The following AKAP10 variants were observed in gnomAD, a reference collection of about 807,000 sequenced individuals.
The protein encoded by AKAP10 is A-kinase anchoring protein 10.
Under a neutral mutation model 80.8 loss-of-function variants are expected in AKAP10, and 24 were observed. The ratio of observed to expected loss-of-function variants is 0.30; its 90% CI spans 0.22 to 0.42. The LOEUF is 0.42. Ranked by LOEUF, AKAP10 falls within the 10% of genes least tolerant of loss-of-function variation. The probability of loss-of-function intolerance (pLI) is 1.00; values close to 1 mark genes in which losing one functional copy is unlikely to be tolerated. For missense variants in AKAP10, 661 were observed against 794.9 expected, an observed-to-expected ratio of 0.83 and a Z score of 2.03; for synonymous variants, 291 against 277.7, an observed-to-expected ratio of 1.05 and a Z score of -0.48.
At chr17:19,964,796 G>C (rs993027482) in intron 2 of AKAP10, among the ~76,000 whole-genome samples, 3 of 152,222 alleles carry the variant, frequency 2.0e-5, no homozygotes, top group African/African-American at 7.2e-5. Context: ...GGGAGGCTGA[G>C]GCAGGAGAAT....
intron 12 of AKAP10, among the ~76,000 whole-genome samples, chr17:19,918,224 C>G (rs916769012): frequency 1.2e-5 from 1 of 86,052 alleles, no homozygotes; most frequent in African/African-American, 4.0e-5. Flanking sequence ...CCGTCTCAAA[C>G]AAAAAAAAAA....
At chr17:19,925,250 G>A (rs1479360705) in intron 10 of AKAP10, among the ~76,000 whole-genome samples, 1 of 152,120 alleles carries the variant, frequency 6.6e-6, no homozygotes, top group East Asian at 1.9e-4. Flanking sequence ...CAAATGTGCT[G>A]TACTCACAGC....
intron 12 of AKAP10, among the ~76,000 whole-genome samples, chr17:19,919,202 T>G (rs2042783923): frequency 6.6e-6 from 1 of 151,992 alleles, no homozygotes; most frequent in South Asian, 2.1e-4. Flanking sequence ...TTGAGACAGT[T>G]TGCTCAGAAT....
chr17:19,927,124 G>A lies in AKAP10; in HGVS notation c.1642-2607C>T, dbSNP rs369362605. ...GGCAGAGGTGGGAGAATCACTTTGAGCCTAGAGTTTGAGACCAACTTGGGC... is the reference window on the plus strand; with the variant it reads ...GGCAGAGGTGGGAGAATCACTTTGAACCTAGAGTTTGAGACCAACTTGGGC... On this transcript the variant is annotated intron_variant, in intron 10 of 14. Transcript: ENST00000225737. Among the ~76,000 whole-genome samples the A allele has an allele frequency of 1.9e-4, 29 of 152,286 alleles. 1 individual carries two copies. Among genetic ancestry groups the A allele is most frequent in the African/African-American group, 6.5e-4 (27 of 41,556 alleles).
intron 5 of AKAP10, among the ~76,000 whole-genome samples, chr17:19,946,788 T>C (rs890379081): frequency 6.6e-6 from 1 of 150,414 alleles, no homozygotes; most frequent in African/African-American, 2.5e-5. Context: ...GACACAGAAA[T>C]GACACTGTGT....
intron 9 of AKAP10, among the ~76,000 whole-genome samples, chr17:19,935,726 T>C (rs1403994419): frequency 6.6e-6 from 1 of 152,118 alleles, no homozygotes; most frequent in Non-Finnish European, 1.5e-5. Context: ...CCTCCACATC[T>C]TGTCCCACTG....
chr17:19,907,723 T>C (rs1418751136), intron 14 of AKAP10, among the ~76,000 whole-genome samples: 1 of 150,854 alleles, frequency 6.6e-6, no homozygotes, highest in Admixed American at 6.6e-5. Context: ...ATATTTTTAA[T>C]ATTTAAAATA....
chr17:19,950,294 AG>A (rs1267259802), intron 4 of AKAP10, among the ~76,000 whole-genome samples: 2 of 152,212 alleles, frequency 1.3e-5, no homozygotes, highest in African/African-American at 4.8e-5. Context: ...AAAGCAAAAA[AG>A]GGGCTCTCCC....
chr17:19,927,366 A>AC (rs960661454), intron 10 of AKAP10, among the ~76,000 whole-genome samples: 1 of 151,854 alleles, frequency 6.6e-6, no homozygotes, highest in African/African-American at 2.4e-5. Context: ...ACAAAAACCC[A>AC]CCTTTTTTAA....
chr17:19,919,167 G>A (rs203452), intron 12 of AKAP10, among the ~76,000 whole-genome samples: 64,182 of 150,050 alleles, frequency 0.43, 14,533 homozygotes, highest in African/African-American at 0.58. Context: ...ATGAGTGAGA[G>A]CATGCGGTGT....
intron 4 of AKAP10, among the ~76,000 whole-genome samples, chr17:19,951,925 A>G (rs912781825): frequency 6.6e-6 from 1 of 151,016 alleles, no homozygotes; most frequent in African/African-American, 2.4e-5. Context: ...AAAAAAAAAA[A>G]AAAAGCAAAA....
intron 5 of AKAP10, among the ~76,000 whole-genome samples, chr17:19,943,531 G>T (rs1346012898): frequency 6.6e-6 from 1 of 152,202 alleles, no homozygotes; most frequent in African/African-American, 2.4e-5. Context: ...CCTGGAGAGT[G>T]CATGGAAGCT....
chr17:19,957,556 C>T (rs1035370405), intron 4 of AKAP10, among the ~76,000 whole-genome samples: 2 of 151,974 alleles, frequency 1.3e-5, no homozygotes, highest in African/African-American at 4.8e-5. Flanking sequence ...GATAATCATG[C>T]CTACTACCTG....
rs149676083 is a variant in AKAP10, at chr17:19,941,740, CTTTGT to C, written c.1061+81_1061+85del. The C allele has an allele frequency of 4.9e-3, 4,575 of 926,654 alleles. 117 individuals carry two copies. The African/African-American group carries it at 0.067, about 13-fold the overall frequency. The allele number at this position is 926,654 out of a possible 1,614,324, so 57.4% of individuals were successfully genotyped here. On this transcript the variant is annotated intron_variant, in intron 6 of 14. Coordinates refer to ENST00000225737, the MANE Select transcript of AKAP10 (RefSeq NM_007202.4). ...CAAAATATTTAAATTCTCAAAAATACTTTGTTTTTAGCTGAGTGAAGCCCATTCCT... is the reference window on the plus strand; with the variant it reads ...CAAAATATTTAAATTCTCAAAAATACTTTTAGCTGAGTGAAGCCCATTCCT...
rs544479665 is a variant in AKAP10, at chr17:19,947,494, C to T, written c.889G>A (p.Asp297Asn). Reference protein sequence around the residue: ...SGKLMKSIEQDAVNTFTKYIS... With the variant: ...SGKLMKSIEQNAVNTFTKYIS... ...TATTTGGTAAAAGTATTCACTGCAT[C>T]TTGTTCTATACCTGCAAGGGAAGAA... The change falls in exon 5 of 15, where the codon GAT becomes AAT. Residue 297 changes from aspartate (D) to asparagine (N), a missense_variant. Coordinates refer to ENST00000225737, the MANE Select transcript of AKAP10 (RefSeq NM_007202.4). 8 of 1,610,666 alleles carry T rather than the reference C, an allele frequency of 5.0e-6. No individual in the cohort carries two copies. The East Asian group carries it at 6.7e-5, about 13-fold the overall frequency.
intron 2 of AKAP10, 79 bp from the exon 3 acceptor site, chr17:19,963,101 CT>C (rs1309654816): frequency 4.0e-6 from 5 of 1,243,276 alleles, no homozygotes; most frequent in Non-Finnish European, 5.4e-6. Context: ...TTTCAGAGAA[CT>C]TTAAAAATTA....
At chr17:19,908,179 T>C (rs1375313705) in intron 14 of AKAP10, among the ~76,000 whole-genome samples, 1 of 152,222 alleles carries the variant, frequency 6.6e-6, no homozygotes, top group Non-Finnish European at 1.5e-5. Context: ...CGTCAGACAT[T>C]CTAACTTTAC....
intron 1 of AKAP10, among the ~76,000 whole-genome samples, chr17:19,976,271 G>C (rs1205403497): frequency 2.6e-5 from 4 of 152,046 alleles, no homozygotes; most frequent in Non-Finnish European, 4.4e-5. Flanking sequence ...AGGCCCACTT[G>C]AGGTCAGGGG....
chr17:19,913,278 C>T (rs2042710874), intron 12 of AKAP10, among the ~76,000 whole-genome samples: 1 of 151,856 alleles, frequency 6.6e-6, no homozygotes, highest in African/African-American at 2.4e-5. Context: ...CTCAGCCTCC[C>T]GATAGCTGGG....
Sources: gnomAD v4.1 joint callset for allele counts (sites outside exome capture counted in the v4.1 genomes callset) on GRCh38, gnomAD v4.1.1 for gene constraint, MANE v1.5 for transcripts, NCBI Gene and HGNC (gene_info 2026-07-23, HGNC 2026-07-21) for gene names.